Variants in CNBD1 observed in about 807,000 individuals in gnomAD.
CNBD1 encodes the protein cyclic nucleotide-binding domain-containing protein 1.
In CNBD1, 71 loss-of-function variants were observed where a neutral mutation model predicts 54.4. The observed-to-expected ratio is 1.30, with a 90% CI of 1.08 to 1.59. CNBD1 has a LOEUF of 1.59. Ranked by LOEUF, CNBD1 falls within the 40% of genes most tolerant of loss-of-function variation. The probability of loss-of-function intolerance (pLI) is 0.00; values close to 1 mark genes in which losing one functional copy is unlikely to be tolerated. For missense variants in CNBD1, 659 were observed against 518.0 expected, an observed-to-expected ratio of 1.27 and a Z score of -2.64; for synonymous variants, 182 against 170.7, an observed-to-expected ratio of 1.07 and a Z score of -0.51.
At chr8:86,889,918 A>G (rs528472213) in intron 2 of CNBD1, among the ~76,000 whole-genome samples, 20 of 152,240 alleles carry the variant, frequency 1.3e-4, no homozygotes, top group African/African-American at 4.6e-4. Flanking sequence ...GTTAGGATAG[A>G]TATGGATTTA....
intron 6 of CNBD1, among the ~76,000 whole-genome samples, chr8:87,277,277 C>T (rs2130863624): frequency 6.6e-6 from 1 of 151,716 alleles, no homozygotes; most frequent in Non-Finnish European, 1.5e-5. Context: ...CTGTCTTATT[C>T]AGGGGAAGGT....
intron 4 of CNBD1, among the ~76,000 whole-genome samples, chr8:87,165,461 T>C: frequency 6.6e-6 from 1 of 151,988 alleles, no homozygotes; most frequent in Non-Finnish European, 1.5e-5. Context: ...ATATTTACAA[T>C]TATGTCCTCT....
At chr8:86,933,033 G>A (rs994065996) in intron 3 of CNBD1, among the ~76,000 whole-genome samples, 5 of 152,082 alleles carry the variant, frequency 3.3e-5, no homozygotes, top group African/African-American at 9.7e-5. Flanking sequence ...AGACCACAAA[G>A]AGGACGGAGA....
intron 4 of CNBD1, among the ~76,000 whole-genome samples, chr8:86,959,136 G>A (rs949031118): frequency 1.3e-5 from 2 of 152,130 alleles, no homozygotes; most frequent in African/African-American, 4.8e-5. Context: ...ATGAAATTCT[G>A]GGTTGAAAAT....
At chr8:86,870,891 A>G (rs1468374243) in intron 1 of CNBD1, among the ~76,000 whole-genome samples, 1 of 152,150 alleles carries the variant, frequency 6.6e-6, no homozygotes, top group African/African-American at 2.4e-5. Flanking sequence ...GTTTGTGTCC[A>G]TTTCTGTGTC....
intron 3 of CNBD1, among the ~76,000 whole-genome samples, chr8:86,910,067 T>C (rs1809077111): frequency 6.6e-6 from 1 of 152,160 alleles, no homozygotes; most frequent in South Asian, 2.1e-4. Context: ...CGATTTGTCT[T>C]CATGAATTCA....
intron 4 of CNBD1, among the ~76,000 whole-genome samples, chr8:86,955,028 C>T (rs1401082714): frequency 6.7e-6 from 1 of 149,874 alleles, no homozygotes; most frequent in Non-Finnish European, 1.5e-5. Flanking sequence ...GTTCCCCACC[C>T]TGTGTCCAAG....
downstream of CNBD1, among the ~76,000 whole-genome samples, chr8:87,383,643 A>G (rs1203713049): frequency 4.6e-5 from 7 of 152,090 alleles, no homozygotes; most frequent in Admixed American, 4.6e-4. Flanking sequence ...AAAGCTTTAC[A>G]CCACAGGAAT....
At chr8:87,058,032 C>G (rs1018182670) in intron 4 of CNBD1, among the ~76,000 whole-genome samples, 2 of 152,086 alleles carry the variant, frequency 1.3e-5, no homozygotes, top group African/African-American at 4.8e-5. Flanking sequence ...TTACTAGATA[C>G]AATGGGGATA....
intron 4 of CNBD1, among the ~76,000 whole-genome samples, chr8:87,204,496 G>C (rs1424392606): frequency 6.6e-6 from 1 of 152,036 alleles, no homozygotes; most frequent in African/African-American, 2.4e-5. Flanking sequence ...TTATAACCAT[G>C]TCCCACTTTT....
chr8:87,041,503 T>C (rs1424834551), intron 4 of CNBD1, among the ~76,000 whole-genome samples: 1 of 152,094 alleles, frequency 6.6e-6, no homozygotes, highest in Non-Finnish European at 1.5e-5. Context: ...TGACAATCCA[T>C]AGAAAGCTGG....
chr8:86,884,381 G>C (rs927178357), intron 1 of CNBD1, among the ~76,000 whole-genome samples: 1 of 151,954 alleles, frequency 6.6e-6, no homozygotes, highest in Non-Finnish European at 1.5e-5. Context: ...TTATTCTTTT[G>C]CCTCTGAAGG....
intron 4 of CNBD1, among the ~76,000 whole-genome samples, chr8:87,191,766 T>A (rs1451510317): frequency 6.6e-6 from 1 of 152,198 alleles, no homozygotes; most frequent in Non-Finnish European, 1.5e-5. Flanking sequence ...GCCCACTGTG[T>A]GGACCCAGCA....
At chr8:87,180,450 G>T (rs886171384) in intron 4 of CNBD1, among the ~76,000 whole-genome samples, 1 of 151,826 alleles carries the variant, frequency 6.6e-6, no homozygotes, top group African/African-American at 2.4e-5. Context: ...CCTATTATTG[G>T]CATACTCCAG....
rs1811107022 is a variant in CNBD1 at position 87,382,750 on chromosome 8, G to A, written c.*123G>A. 1 of 601,680 alleles carries A rather than the reference G, an allele frequency of 1.7e-6. No individual in the cohort carries two copies. 37.3% of individuals were successfully genotyped at this position (601,680 alleles called of 1,614,324 possible). On this transcript the variant is annotated 3_prime_UTR_variant, in exon 11 of 11. Transcript: ENST00000518476. The stretch of plus-strand genomic sequence containing the variant: ...TTGGTCTATTGTGACTACATATCCT[G>A]GATTCCCCAGGAAAGTCCCACTTTC...
chr8:87,307,403 G>C (rs1480976022), intron 8 of CNBD1, among the ~76,000 whole-genome samples: 1 of 152,160 alleles, frequency 6.6e-6, no homozygotes, highest in Non-Finnish European at 1.5e-5. Context: ...TTGTAAAATG[G>C]AATCTGGTTA....
intron 8 of CNBD1, among the ~76,000 whole-genome samples, chr8:87,331,953 G>T (rs1349189865): frequency 6.6e-6 from 1 of 152,040 alleles, no homozygotes; most frequent in Non-Finnish European, 1.5e-5. Context: ...TGTAAATTCT[G>T]TATATTAGAC....
In CNBD1 at chr8:87,103,185, A is replaced by G. The variant is rs376181579; in HGVS notation, c.432-102808A>G. Among the ~76,000 whole-genome samples, 14 of 152,280 alleles carry G rather than the reference A, an allele frequency of 9.2e-5. 1 individual carries two copies. The highest frequency in any genetic ancestry group is 3.1e-4 in the African/African-American group (13 of 41,560). On this transcript the variant is annotated intron_variant, in intron 4 of 10. Transcript: ENST00000518476. ...ATACAGATGGTAACTGCCACCAGCT[A>G]TGTGGTTGTTGAGATCTCCAAGAAG...
intron 5 of CNBD1, among the ~76,000 whole-genome samples, chr8:87,220,487 C>G (rs560551554): frequency 4.0e-4 from 61 of 150,652 alleles, no homozygotes; most frequent in Admixed American, 1.8e-3. Context: ...GGAACCTCCC[C>G]TAACTGTCCA....
Sources: allele counts gnomAD v4.1 joint callset (sites outside exome capture counted in the v4.1 genomes callset), GRCh38; gene constraint gnomAD v4.1.1; transcripts MANE v1.5; gene names NCBI Gene and HGNC (gene_info 2026-07-23, HGNC 2026-07-21).